Variants in SLC2A9 observed in about 807,000 individuals in gnomAD.
The protein encoded by SLC2A9 is solute carrier family 2 member 9, also known as solute carrier family 2, facilitated glucose transporter member 9.
SLC2A9 carries 39 observed loss-of-function variants against 50.6 expected under a neutral mutation model. The ratio of observed to expected loss-of-function variants is 0.77; its 90% CI spans 0.60 to 1.01. SLC2A9 has a LOEUF of 1.01. Among genes scored for constraint, SLC2A9 ranks in the 50% least tolerant of loss-of-function variants. The pLI is 0.00. For synonymous variants in SLC2A9, 324 were observed against 276.9 expected (o/e 1.17, Z -1.69); for missense variants, 686 against 677.6 (o/e 1.01, Z -0.14).
At chr4:9,882,473 C>T (rs534882819) in intron 10 of SLC2A9, among the ~76,000 whole-genome samples, 159 of 152,092 alleles carry the variant, frequency 1.0e-3, no homozygotes, top group African/African-American at 3.7e-3. Flanking sequence ...CTATAAGAGG[C>T]CGAGGCAGGC....
intron 3 of SLC2A9, among the ~76,000 whole-genome samples, chr4:9,792,448 C>A (rs796813871): frequency 1.8e-4 from 28 of 151,820 alleles, no homozygotes; most frequent in African/African-American, 6.5e-4. Flanking sequence ...TCAGCCCCCA[C>A]AAAGTGCTAG....
At chr4:10,017,295 G>A (rs1185829352) in intron 2 of SLC2A9, among the ~76,000 whole-genome samples, 2 of 152,138 alleles carry the variant, frequency 1.3e-5, no homozygotes, top group Non-Finnish European at 2.9e-5. Flanking sequence ...GAGTGCAAAG[G>A]TTCTCCCCCA....
intron 6 of SLC2A9, among the ~76,000 whole-genome samples, chr4:9,928,618 C>T (rs191018715): frequency 1.3e-5 from 2 of 152,228 alleles, no homozygotes; most frequent in African/African-American, 4.8e-5. Flanking sequence ...CCTGTTGTCC[C>T]AGCTACTCGG....
At chr4:9,783,247 C>G in intron 3 of SLC2A9, 1 of 1,614,206 alleles carries the variant, frequency 6.2e-7, no homozygotes, top group African/African-American at 1.3e-5. Context: ...ACAAGGAAAT[C>G]GCAGCTGCCT....
intron 2 of SLC2A9, among the ~76,000 whole-genome samples, chr4:10,010,535 A>C (rs1356700446): frequency 6.6e-6 from 1 of 152,148 alleles, no homozygotes; most frequent in Non-Finnish European, 1.5e-5. Flanking sequence ...TAACCTGTGA[A>C]GTTTGGCCTA....
At chr4:10,013,356 C>G (rs1762083405) in intron 2 of SLC2A9, among the ~76,000 whole-genome samples, 1 of 152,184 alleles carries the variant, frequency 6.6e-6, no homozygotes, top group Non-Finnish European at 1.5e-5. Context: ...TGTTCTCTTC[C>G]AAATGAGGCA....
chr4:9,775,058 G>A (rs1022891153), downstream of SLC2A9, among the ~76,000 whole-genome samples: 2 of 152,174 alleles, frequency 1.3e-5, no homozygotes, highest in African/African-American at 4.8e-5. Flanking sequence ...TCAGCATAAT[G>A]ACGGGCACTT....
intron 6 of SLC2A9, among the ~76,000 whole-genome samples, chr4:9,928,650 C>T (rs1036438433): frequency 3.3e-5 from 5 of 152,212 alleles, no homozygotes; most frequent in African/African-American, 1.2e-4. Flanking sequence ...AGGAGAATCG[C>T]TTGAACCCGG....
intron 10 of SLC2A9, among the ~76,000 whole-genome samples, chr4:9,873,540 C>T (rs995489649): frequency 2.6e-5 from 4 of 152,284 alleles, no homozygotes; most frequent in East Asian, 3.9e-4. Context: ...GCACACTTCC[C>T]CTTCTTTTCT....
At chr4:9,885,119 C>A (rs1256256585) in intron 10 of SLC2A9, among the ~76,000 whole-genome samples, 1 of 152,144 alleles carries the variant, frequency 6.6e-6, no homozygotes, top group Non-Finnish European at 1.5e-5. Context: ...ACCACCATGG[C>A]ACACATTTAC....
chr4:9,921,924 T>G (rs1344865703), intron 6 of SLC2A9, among the ~76,000 whole-genome samples: 1 of 148,608 alleles, frequency 6.7e-6, no homozygotes, highest in Non-Finnish European at 1.5e-5. Flanking sequence ...ATAACCTATG[T>G]TTTTTTTTTC....
At chr4:10,016,065 T>C (rs1036499752) in intron 2 of SLC2A9, among the ~76,000 whole-genome samples, 2 of 152,100 alleles carry the variant, frequency 1.3e-5, no homozygotes, top group Non-Finnish European at 1.5e-5. Context: ...TCCTCTAAAG[T>C]ATGCATGACG....
At chr4:9,900,182 C>T (rs376141051) in intron 8 of SLC2A9, among the ~76,000 whole-genome samples, 4 of 152,132 alleles carry the variant, frequency 2.6e-5, no homozygotes, top group East Asian at 1.9e-4. Context: ...TGGGAACAGC[C>T]GCCACTTAGA....
At chr4:9,781,592 GA>G (rs1429024586) in intron 3 of SLC2A9, 1 of 158,072 alleles carries the variant, frequency 6.3e-6, no homozygotes, top group Non-Finnish European at 1.4e-5. Flanking sequence ...CGGGGGGCGG[GA>G]CGCGGGGCCT....
At chr4:9,889,408 G>A (rs559577675) in intron 9 of SLC2A9, among the ~76,000 whole-genome samples, 4 of 152,162 alleles carry the variant, frequency 2.6e-5, no homozygotes, top group African/African-American at 4.8e-5. Flanking sequence ...TTTAAACTTC[G>A]GACACAAGTT....
rs1449649214 is a variant in SLC2A9 at position 10,018,986 on chromosome 4, C to A, written c.238G>T (p.Ala80Ser). ...TGGCGCGCACTCACCGGGGTGGGGGCATTCACCACCGACAGGTTGTAGCCG... is the reference window on the plus strand; with the variant it reads ...TGGCGCGCACTCACCGGGGTGGGGGAATTCACCACCGACAGGTTGTAGCCG... Reference protein sequence around the residue: ...LYGYNLSVVNAPTPYIKAFYN... With the variant: ...LYGYNLSVVNSPTPYIKAFYN... Residue 80 changes from alanine to serine, a missense_variant, in exon 2 of 12, where the codon GCC (alanine) becomes TCC (serine). Ala to Ser is a moderately conservative substitution (Grantham distance 99, BLOSUM62 1). Coordinates refer to ENST00000264784, the MANE Select transcript of SLC2A9 (RefSeq NM_020041.3). 1.3e-6 allele frequency: 2 copies of A among 1,549,960 alleles called. No individual in the cohort carries two copies. The highest frequency in any genetic ancestry group is 3.9e-5 in the Admixed American group (2 of 51,014).
chr4:9,786,973 C>T lies in SLC2A9; in HGVS notation n.386-6908G>A, dbSNP rs550119681. On this transcript the variant is annotated intron_variant and non_coding_transcript_variant, in intron 3 of 3. Coordinates refer to the SLC2A9 transcript ENST00000503803. ...CAGCACTCGAGAGGACTTGGCCAGG[C>T]AGGCAGACTCCAGGTCCCAGCTCCC... Among the ~76,000 whole-genome samples the T allele has an allele frequency of 2.2e-4, 33 of 152,284 alleles. 1 individual carries two copies. The highest frequency in any genetic ancestry group is 2.4e-4 in the Non-Finnish European group (16 of 68,028).
intron 10 of SLC2A9, among the ~76,000 whole-genome samples, chr4:9,845,361 C>T (rs1728791355): frequency 6.6e-6 from 1 of 151,016 alleles, no homozygotes; most frequent in Admixed American, 6.6e-5. Context: ...TAAAGGACAA[C>T]TGCCCAAGCT....
At chr4:9,824,786 A>G (rs1480760520), downstream of SLC2A9, among the ~76,000 whole-genome samples, 1 of 152,188 alleles carries the variant, frequency 6.6e-6, no homozygotes, top group Non-Finnish European at 1.5e-5. Flanking sequence ...GAGAACACCA[A>G]AAAGCTAAGA....
Sources: gnomAD v4.1 joint callset for allele counts (sites outside exome capture counted in the v4.1 genomes callset) on GRCh38, gnomAD v4.1.1 for gene constraint, MANE v1.5 for transcripts, NCBI Gene and HGNC (gene_info 2026-07-23, HGNC 2026-07-21) for gene names.